Variants in PRR14L observed in about 807,000 individuals in gnomAD.
PRR14L encodes protein PRR14L.
Under a neutral mutation model 155.0 loss-of-function variants are expected in PRR14L, and 80 were observed. That is an observed-to-expected ratio of 0.52 (90% CI 0.43 to 0.62). PRR14L has a LOEUF of 0.62. Ranked by LOEUF, PRR14L falls within the 20% of genes least tolerant of loss-of-function variation. The pLI, the probability that PRR14L is intolerant of heterozygous loss-of-function variation, is 0.00. For synonymous variants in PRR14L, 883 were observed against 916.0 expected, an observed-to-expected ratio of 0.96 and a Z score of 0.65; for missense variants, 2,469 against 2,548.0, an observed-to-expected ratio of 0.97 and a Z score of 0.67.
chr22:31,695,842 T>C (rs1011776379), intron 7 of PRR14L, among the ~76,000 whole-genome samples: 1 of 152,092 alleles, frequency 6.6e-6, no homozygotes, highest in African/African-American at 2.4e-5. Flanking sequence ...TAGGGTACTC[T>C]CCCTTAACCC....
intron 7 of PRR14L, among the ~76,000 whole-genome samples, chr22:31,701,305 A>G (rs547165252): frequency 2.0e-5 from 3 of 152,288 alleles, no homozygotes; most frequent in East Asian, 3.9e-4. Flanking sequence ...CTTTTTTAAG[A>G]AAAACTAAAC....
At chr22:31,689,155 G>A (rs1799351674) in intron 7 of PRR14L, among the ~76,000 whole-genome samples, 1 of 151,986 alleles carries the variant, frequency 6.6e-6, no homozygotes, top group South Asian at 2.1e-4. Flanking sequence ...TTATTCTTTT[G>A]AGTCTCATCT....
At chr22:31,686,816 C>A (rs2074484520) in intron 8 of PRR14L, among the ~76,000 whole-genome samples, 2 of 152,044 alleles carry the variant, frequency 1.3e-5, no homozygotes, top group Non-Finnish European at 2.9e-5. Flanking sequence ...TGTGTTAGAG[C>A]AGACATACAA....
At chr22:31,704,887 A>G (rs1251288172) in intron 4 of PRR14L, among the ~76,000 whole-genome samples, 161 bp from the exon 5 acceptor site, 1 of 152,182 alleles carries the variant, frequency 6.6e-6, no homozygotes, top group East Asian at 1.9e-4. Context: ...AGTTATATTT[A>G]TGTGCCCATC....
intron 4 of PRR14L, 103 bp downstream of exon 4, chr22:31,711,980 G>A: frequency 9.2e-7 from 1 of 1,083,212 alleles, no homozygotes; most frequent in Non-Finnish European, 1.3e-6. Context: ...GCAGACCCAA[G>A]AGGACTCTAA....
chr22:31,701,688 A>G lies in PRR14L; in HGVS notation c.6075T>C (p.Asn2025=). ...IRKTIPRPDP[N]LTPMGLPRPK... is the part of the protein sequence containing the mutation. ...GTCGAGGAAGGCCCATGGGGGTAAG[A>G]TTAGGATCTGGCCTAGGAATGGTTT... Residue 2025 remains asparagine (N), a synonymous_variant, in exon 7 of 9, where the codon AAT becomes AAC. Transcript: ENST00000327423. 6.2e-7 allele frequency: 1 copy of G among 1,614,018 alleles called. No homozygotes were observed. The highest frequency in any genetic ancestry group is 8.5e-7 in the Non-Finnish European group (1 of 1,179,904).
At chr22:31,691,834 C>T (rs2074513240) in intron 7 of PRR14L, among the ~76,000 whole-genome samples, 1 of 151,668 alleles carries the variant, frequency 6.6e-6, no homozygotes, top group African/African-American at 2.4e-5. Context: ...TGTGAATATT[C>T]ATGCACAGGT....
chr22:31,725,301 G>C (rs2074710568), intron 3 of PRR14L, among the ~76,000 whole-genome samples: 1 of 152,154 alleles, frequency 6.6e-6, no homozygotes, highest in African/African-American at 2.4e-5. Flanking sequence ...AGCTACTTGG[G>C]AGGCTGAGGT....
chr22:31,737,808 T>C (rs1449295977), intron 2 of PRR14L, among the ~76,000 whole-genome samples: 1 of 151,642 alleles, frequency 6.6e-6, no homozygotes, highest in African/African-American at 2.4e-5. Flanking sequence ...AAGTCAGGAG[T>C]TCGAGACCAG....
chr22:31,694,902 G>C (rs1229151679), intron 7 of PRR14L, among the ~76,000 whole-genome samples: 1 of 152,002 alleles, frequency 6.6e-6, no homozygotes, highest in Non-Finnish European at 1.5e-5. Flanking sequence ...GGCCAAAATG[G>C]TGAAACCCTG....
chr22:31,716,803 T>C lies in PRR14L; in HGVS notation c.1036A>G (p.Thr346Ala). The change falls in exon 4 of 9, where the codon ACA becomes GCA. Residue 346 changes from threonine to alanine, a missense_variant. Around this residue, in one of 2 missense-constraint regions of PRR14L, gnomAD observed 2,363 missense variants for 2,371.6 expected, o/e 1.00. Transcript: ENST00000327423. The stretch of plus-strand genomic sequence containing the variant: ...GATTCTGGACCAGACAAGTCTGATG[T>C]GAAACATGAAACTTCAGAATTTTCT... Reference protein sequence around the residue: ...LKENSEVSCFTSDLSGPESRT... With the variant: ...LKENSEVSCFASDLSGPESRT... The C allele has an allele frequency of 6.4e-7, 1 of 1,551,858 alleles. No individual in the cohort carries two copies. The highest frequency in any genetic ancestry group is 8.7e-7 in the Non-Finnish European group (1 of 1,147,020).
intron 5 of PRR14L, 69 bp from the exon 6 acceptor site, chr22:31,703,790 C>A: frequency 1.8e-5 from 16 of 880,624 alleles, no homozygotes; most frequent in South Asian, 5.0e-5. Flanking sequence ...TCAACTTCTT[C>A]TTCTTCATTT....
Position 31,738,850 on chromosome 22 carries a change from G to C in PRR14L, c.11C>G (p.Ser4Cys), listed in dbSNP as rs1398409403. MLS[S>C]GVETQPVPLD... ...TGGAACTGGCTGAGTCTCTACTCCA[G>C]ATGACAGCATTAGGACAGATGCAGA... Residue 4 changes from serine (S) to cysteine (C), a missense_variant, in exon 2 of 9, where the codon TCT becomes TGT. By Grantham distance (112) the Ser-to-Cys change is moderately radical. This residue lies in a region of PRR14L where 2,363 missense variants were observed against 2,371.6 expected (regional missense o/e 1.00). Transcript: ENST00000327423. The C allele has an allele frequency of 1.3e-6, 2 of 1,538,804 alleles. No individual in the cohort carries two copies. Among genetic ancestry groups the C allele is most frequent in the Non-Finnish European group, 8.7e-7 (1 of 1,144,372 alleles).
chr22:31,716,427 A>G lies in PRR14L; in HGVS notation c.1412T>C (p.Met471Thr). Residue 471 changes from methionine (M) to threonine (T), a missense_variant, in exon 4 of 9, where the codon ATG (methionine) becomes ACG (threonine). Around this residue, in one of 2 missense-constraint regions of PRR14L, gnomAD observed 2,363 missense variants for 2,371.6 expected, o/e 1.00. Transcript: ENST00000327423. ...PNSFTEATEVMLNKNDLKITV... is the reference protein window; with the variant it reads ...PNSFTEATEVTLNKNDLKITV... ...AATTTTCAAATCATTTTTATTTAAC[A>G]TTACTTCTGTGGCTTCAGTAAAAGA... 1 of 1,551,254 alleles carries G rather than the reference A, an allele frequency of 6.4e-7. No homozygotes were observed. Among genetic ancestry groups the G allele is most frequent in the Non-Finnish European group, 8.7e-7 (1 of 1,146,814 alleles).
rs1232130193 is a variant in PRR14L, at chr22:31,714,775, T to A, written c.3064A>T (p.Asn1022Tyr). 6.4e-7 allele frequency: 1 copy of A among 1,552,376 alleles called. No homozygotes were observed. Among genetic ancestry groups the A allele is most frequent in the East Asian group, 2.4e-5 (1 of 40,926 alleles). The change falls in exon 4 of 9, where the codon AAT becomes TAT. Residue 1022 changes from asparagine to tyrosine, a missense_variant. By Grantham distance (143) the Asn-to-Tyr change is moderately radical (BLOSUM62 -2). Around this residue, in one of 2 missense-constraint regions of PRR14L, gnomAD observed 2,363 missense variants for 2,371.6 expected, o/e 1.00. Coordinates refer to ENST00000327423, the MANE Select transcript of PRR14L (RefSeq NM_173566.3). ...GGACTACCACAAGGTAGTGAGTTAT[T>A]ACTGCCTGAGCTGACCAGCAGATCC... is the stretch of plus-strand genomic sequence containing the variant. ...QKDLLVSSGS[N>Y]NSLPCGSPKK...
Position 31,712,768 on chromosome 22 carries a change from A to G in PRR14L, c.5071T>C (p.Tyr1691His), listed in dbSNP as rs1049367108. 6 of 1,551,854 alleles carry G rather than the reference A, an allele frequency of 3.9e-6. No individual in the cohort carries two copies. Among genetic ancestry groups the G allele is most frequent in the African/African-American group, 2.7e-5 (2 of 73,072 alleles). The change falls in exon 4 of 9, where the codon TAT becomes CAT. Residue 1691 changes from tyrosine to histidine, a missense_variant. Physicochemically the swap from Tyr to His is moderately conservative, Grantham distance 83. This residue lies in a region of PRR14L where 2,363 missense variants were observed against 2,371.6 expected (regional missense o/e 1.00). Coordinates refer to ENST00000327423, the MANE Select transcript of PRR14L (RefSeq NM_173566.3). ...KRPNSKPMAL[Y>H]SLESIKMTFI... is the part of the protein sequence containing the mutation. ...GTCATCTTGATGGATTCGAGAGAATAAAGTGCCATGGGCTTACTGTTAGGC... is the reference window on the plus strand; with the variant it reads ...GTCATCTTGATGGATTCGAGAGAATGAAGTGCCATGGGCTTACTGTTAGGC...
chr22:31,727,998 A>G (rs541414402), intron 2 of PRR14L, among the ~76,000 whole-genome samples: 1 of 152,002 alleles, frequency 6.6e-6, no homozygotes, highest in East Asian at 1.9e-4. Flanking sequence ...AAAAAAAGAA[A>G]AGAAATTGAA....
chr22:31,731,074 T>C (rs941493714), intron 2 of PRR14L, among the ~76,000 whole-genome samples: 3 of 152,176 alleles, frequency 2.0e-5, no homozygotes, highest in East Asian at 3.8e-4. Flanking sequence ...TGGCCACAAA[T>C]TGCTCCGGGC....
intron 7 of PRR14L, among the ~76,000 whole-genome samples, chr22:31,693,755 T>C (rs1047176624): frequency 3.9e-5 from 6 of 152,194 alleles, no homozygotes; most frequent in African/African-American, 1.2e-4. Flanking sequence ...TATTTTTTGT[T>C]TCTGTACTTC....
Sources: gnomAD v4.1 joint callset for allele counts (sites outside exome capture counted in the v4.1 genomes callset) on GRCh38, gnomAD v4.1.1 for gene constraint, gnomAD v4.1.1 regional missense constraint, MANE v1.5 for transcripts, NCBI Gene and HGNC (gene_info 2026-07-23, HGNC 2026-07-21) for gene names.